Variants in FRZB observed in about 807,000 individuals in gnomAD.
The protein encoded by FRZB is frizzled related protein.
In FRZB, 34 loss-of-function variants were observed where a neutral mutation model predicts 32.5. The ratio of observed to expected loss-of-function variants is 1.05; its 90% CI spans 0.80 to 1.39. The LOEUF (loss-of-function observed/expected upper bound fraction) is 1.39, where lower values mean the gene tolerates loss of function less well. Ranked by LOEUF, FRZB falls within the 40% of genes most tolerant of loss-of-function variation. The probability of loss-of-function intolerance (pLI) is 0.00; values close to 1 mark genes in which losing one functional copy is unlikely to be tolerated. For synonymous variants in FRZB, 170 were observed against 159.2 expected, an observed-to-expected ratio of 1.07 and a Z score of -0.51; for missense variants, 423 against 424.8, an observed-to-expected ratio of 1.00 and a Z score of 0.04.
chr2:182,839,634 C>T (rs906355775), intron 3 of FRZB, among the ~76,000 whole-genome samples: 1 of 151,996 alleles, frequency 6.6e-6, no homozygotes, highest in Admixed American at 6.6e-5. Context: ...CTGTATCTCT[C>T]CCCTTTAAAA....
At chr2:182,844,653 T>C (rs1695621562) in intron 2 of FRZB, among the ~76,000 whole-genome samples, 2 of 152,224 alleles carry the variant, frequency 1.3e-5, no homozygotes, top group Non-Finnish European at 2.9e-5. Flanking sequence ...TAATTTGATG[T>C]TGTTACTTAC....
chr2:182,862,902 T>C (rs1173264158), intron 1 of FRZB, among the ~76,000 whole-genome samples: 3 of 152,044 alleles, frequency 2.0e-5, no homozygotes, highest in Non-Finnish European at 4.4e-5. Context: ...CTGGAGTAGC[T>C]GGGACGACAG....
At chr2:182,839,745 G>A (rs1054845670) in intron 3 of FRZB, among the ~76,000 whole-genome samples, 8 of 151,878 alleles carry the variant, frequency 5.3e-5, no homozygotes, top group Admixed American at 3.9e-4. Flanking sequence ...AAAAGCCAGT[G>A]GCATTTCTCC....
chr2:182,834,793 C>T lies in FRZB; in HGVS notation c.*56G>A. On this transcript the variant is annotated 3_prime_UTR_variant, in exon 6 of 6. Coordinates refer to ENST00000295113, the MANE Select transcript of FRZB (RefSeq NM_001463.4). ...GTGCAATTTTCCTTTGCTAGTCCAG[C>T]AATGCAAGTAAGTCTTAATAGGAAG... 1 of 1,212,978 alleles carries T rather than the reference C, an allele frequency of 8.2e-7. No individual in the cohort carries two copies. The highest frequency in any genetic ancestry group is 1.2e-5 in the South Asian group (1 of 82,986). The allele number at this position is 1,212,978 out of a possible 1,614,324, so 75.1% of individuals were successfully genotyped here.
Position 182,864,873 on chromosome 2 carries a change from G to C in FRZB, c.478+1202C>G, listed in dbSNP as rs184193037. On this transcript the variant is annotated intron_variant, in intron 1 of 5. Coordinates refer to ENST00000295113, the MANE Select transcript of FRZB (RefSeq NM_001463.4). The stretch of plus-strand genomic sequence containing the variant: ...AACACATCTAAGAACAGAGTTGTTG[G>C]GGGGTGGGGGATGTGGTATGAAAGA... 1.1e-3 allele frequency among the ~76,000 whole-genome samples: 162 copies of C among 152,204 alleles called. 1 individual carries two copies. The highest frequency in any genetic ancestry group is 3.8e-3 in the African/African-American group (156 of 41,522).
In FRZB at chr2:182,866,483, G is replaced by A; in HGVS notation, c.70C>T (p.Leu24=). Residue 24 remains leucine, a synonymous_variant, in exon 1 of 6, where the codon CTG becomes TTG. Coordinates refer to ENST00000295113, the MANE Select transcript of FRZB (RefSeq NM_001463.4). This position sits in a 1 kb window ranked among gnomAD's most constrained non-coding sequence, Gnocchi z 4.5. ...AGLLALAALC[L]LRVPGARAAA... ...GCCCGAGCCCCGGGCACCCGGAGCA[G>A]GCAGAGAGCAGCCAGGGCAAGCAGC... The A allele has an allele frequency of 1.3e-6, 2 of 1,551,296 alleles. No individual in the cohort carries two copies. The highest frequency in any genetic ancestry group is 1.4e-5 in the African/African-American group (1 of 74,042).
chr2:182,849,076 A>G (rs1235058958), intron 2 of FRZB, among the ~76,000 whole-genome samples: 2 of 151,992 alleles, frequency 1.3e-5, no homozygotes, highest in Admixed American at 6.5e-5. Flanking sequence ...AAATACAACA[A>G]ATTAGCCGGG....
chr2:182,864,148 G>C (rs1168631306), intron 1 of FRZB, among the ~76,000 whole-genome samples: 1 of 152,194 alleles, frequency 6.6e-6, no homozygotes, highest in Admixed American at 6.5e-5. Context: ...CTGTTTCCAT[G>C]TTTGTTCCAC....
chr2:182,863,706 A>G (rs1388937502), intron 1 of FRZB, among the ~76,000 whole-genome samples: 2 of 152,242 alleles, frequency 1.3e-5, no homozygotes, highest in Non-Finnish European at 2.9e-5. Context: ...TGCTTTGTGA[A>G]CTATCACTTC....
At chr2:182,851,883 G>C (rs1250483814) in intron 2 of FRZB, among the ~76,000 whole-genome samples, 1 of 152,072 alleles carries the variant, frequency 6.6e-6, no homozygotes, top group South Asian at 2.1e-4. Context: ...GCCAAGCACA[G>C]AGCCTCAGTG....
At chr2:182,852,807 G>C (rs954784704) in intron 2 of FRZB, among the ~76,000 whole-genome samples, 8 of 152,098 alleles carry the variant, frequency 5.3e-5, no homozygotes, top group Admixed American at 3.3e-4. Context: ...TTACAATAGT[G>C]AATTTGCAAC....
intron 2 of FRZB, among the ~76,000 whole-genome samples, chr2:182,849,173 G>A (rs1025136462): frequency 6.6e-5 from 10 of 151,946 alleles, no homozygotes; most frequent in Admixed American, 6.6e-4. Context: ...CTTGCAGTGA[G>A]CTGAGATCGC....
intron 3 of FRZB, among the ~76,000 whole-genome samples, chr2:182,838,958 G>A (rs546719691): frequency 6.6e-6 from 1 of 152,228 alleles, no homozygotes; most frequent in South Asian, 2.1e-4. Context: ...CATTTTGGAT[G>A]TGTATATATG....
rs138222184 is a variant in FRZB at position 182,864,129 on chromosome 2, A to T, written c.478+1946T>A. On this transcript the variant is annotated intron_variant, in intron 1 of 5. Transcript: ENST00000295113. ...ATGCATGTCCTATTTGAGTGCTTCA[A>T]TGAGGCAACTGTTTCCATGTTTGTT... is the stretch of plus-strand genomic sequence containing the variant. Among the ~76,000 whole-genome samples, 1,330 of 152,356 alleles carry T rather than the reference A, an allele frequency of 8.7e-3. 17 individuals are homozygous for T. The highest frequency in any genetic ancestry group is 0.026 in the African/African-American group (1,082 of 41,586).
Position 182,866,527 on chromosome 2 carries a change from A to G in FRZB, c.26T>C (p.Met9Thr). ...AAGCAGCCCGGCCCGCAGCAGCAGC[A>G]TCCCTCCCGGGCTGCCGCAGACCAT... MVCGSPGG[M>T]LLLRAGLLAL... is the part of the protein sequence containing the mutation. Residue 9 changes from methionine to threonine, a missense_variant, in exon 1 of 6, where the codon ATG becomes ACG. Physicochemically the swap from Met to Thr is moderately conservative, Grantham distance 81. Coordinates refer to ENST00000295113, the MANE Select transcript of FRZB (RefSeq NM_001463.4). The surrounding 1 kb of genome is among the most constrained non-coding windows in gnomAD (Gnocchi z 4.5). 6.8e-7 allele frequency: 1 copy of G among 1,480,396 alleles called. No individual in the cohort carries two copies. The highest frequency in any genetic ancestry group is 1.3e-5 in the South Asian group (1 of 75,316). 91.7% of individuals were successfully genotyped at this position (1,480,396 alleles called of 1,614,324 possible). A position where few individuals can be genotyped will look rare whatever the true frequency, so the allele number is the denominator to read the frequency against.
intron 2 of FRZB, among the ~76,000 whole-genome samples, chr2:182,856,515 A>T (rs186244337): frequency 3.9e-5 from 6 of 152,228 alleles, no homozygotes; most frequent in African/African-American, 1.2e-4. Context: ...CATACCAATC[A>T]AAAGACAAAG....
At chr2:182,865,499 G>A (rs1695880414) in intron 1 of FRZB, among the ~76,000 whole-genome samples, 1 of 152,138 alleles carries the variant, frequency 6.6e-6, no homozygotes, top group African/African-American at 2.4e-5. Context: ...TGCTCAAACT[G>A]GATCTTGAGC....
At position 182,844,072 on chromosome 2, in the gene FRZB, G is replaced by A. The variant is rs543947408; in HGVS notation, c.527-1529C>T. On this transcript the variant is annotated intron_variant, in intron 2 of 5. Transcript: ENST00000295113. ...TAATACACTTTAACATAGCAGTCCC[G>A]AAAAGAGTATCACCCTTCCTGCCAG... is the stretch of plus-strand genomic sequence containing the variant. Among the ~76,000 whole-genome samples, 409 of 152,166 alleles carry A rather than the reference G, an allele frequency of 2.7e-3. 2 individuals are homozygous for A. The highest frequency in any genetic ancestry group is 5.0e-3 in the Admixed American group (77 of 15,268).
chr2:182,854,231 A>G (rs1695741587), intron 2 of FRZB, among the ~76,000 whole-genome samples: 1 of 152,186 alleles, frequency 6.6e-6, no homozygotes, highest in Non-Finnish European at 1.5e-5. Flanking sequence ...GAAAATGCAC[A>G]TTTATGATTT....
Sources: gnomAD v4.1 joint callset for allele counts (sites outside exome capture counted in the v4.1 genomes callset) on GRCh38, gnomAD v4.1.1 for gene constraint, Gnocchi (gnomAD v3.1) non-coding constraint, MANE v1.5 for transcripts, NCBI Gene and HGNC (gene_info 2026-07-23, HGNC 2026-07-21) for gene names.